The following TBC1D9B variants were observed in gnomAD, a reference collection of about 807,000 sequenced individuals.
The protein encoded by TBC1D9B is TBC1 domain family, member 9B (with GRAM domain).
In TBC1D9B, 87 loss-of-function variants were observed where a neutral mutation model predicts 121.1. The observed-to-expected ratio is 0.72, with a 90% CI of 0.60 to 0.86. TBC1D9B has a LOEUF of 0.86. Ranked by LOEUF, TBC1D9B falls within the 40% of genes least tolerant of loss-of-function variation. The pLI is 0.00. For synonymous variants in TBC1D9B, 668 were observed against 670.1 expected (o/e 1.00, Z 0.05); for missense variants, 1,540 against 1,628.6 (o/e 0.95, Z 0.94).
rs200781687 is a variant in TBC1D9B, at chr5:179,863,723, C to T, written c.3427G>A (p.Val1143Ile). 1 of 1,613,674 alleles carries T rather than the reference C, an allele frequency of 6.2e-7. No homozygotes were observed. The highest frequency in any genetic ancestry group is 2.2e-5 in the East Asian group (1 of 44,892). Residue 1143 changes from valine (V) to isoleucine (I), a missense_variant, in exon 21 of 21, where the codon GTC becomes ATC. Val to Ile is a conservative substitution (Grantham distance 29, BLOSUM62 3). Transcript: ENST00000355235. This position sits in a 1 kb window ranked among gnomAD's most constrained non-coding sequence, Gnocchi z 4.5. ...DDMSMSSYSVVSTGSLQCEDL... is the reference protein window; with the variant it reads ...DDMSMSSYSVISTGSLQCEDL... ...TCACATTGCAGGGAGCCCGTGCTGA[C>T]CACCGAGTAGGAGGACATGGACATG...
At position 179,901,535 on chromosome 5, in the gene TBC1D9B, A is replaced by C. The variant is rs143906446; in HGVS notation, c.230-2228T>G. 4.2e-3 allele frequency among the ~76,000 whole-genome samples: 635 copies of C among 152,334 alleles called. 2 individuals are homozygous for C. Among genetic ancestry groups the C allele is most frequent in the Admixed American group, 6.9e-3 (105 of 15,298 alleles). On this transcript the variant is annotated intron_variant, in intron 2 of 20. Transcript: ENST00000355235. ...CACAGTGGCTCAGTCCTATAATCCC[A>C]GCACTCTGGGAGGCTGAGGCAGGGG...
At chr5:179,867,388 T>C in intron 18 of TBC1D9B, 3 of 1,478,396 alleles carry the variant, frequency 2.0e-6, no homozygotes, top group South Asian at 1.3e-5. Flanking sequence ...GGCTTCCTGA[T>C]AGTGCAGGAA....
rs566766282 is a variant in TBC1D9B, at chr5:179,870,190, T to C, written c.2725+65A>G. 9.3e-5 allele frequency: 148 copies of C among 1,591,996 alleles called. 2 individuals carry two copies. The Middle Eastern group carries it at 1.5e-3, about 16-fold the overall frequency. ...GGGGAACAGACAGGAGATGCTGGCA[T>C]TTGGAGGCTTCCTGGGAAAGGGTGA... On this transcript the variant is annotated intron_variant, in intron 16 of 20. Coordinates refer to ENST00000355235, the MANE Select transcript of TBC1D9B (RefSeq NM_015043.4).
intron 3 of TBC1D9B, among the ~76,000 whole-genome samples, chr5:179,896,062 C>G (rs141130157): frequency 1.5e-4 from 22 of 144,200 alleles, no homozygotes; most frequent in Non-Finnish European, 2.9e-4. Flanking sequence ...CTTACTCCAT[C>G]GGTTTCATCC....
Position 179,865,147 on chromosome 5 carries a change from C to A in TBC1D9B, c.3021+107G>T, listed in dbSNP as rs564043990. ...AACGGGCTCTAGAGGCAGGGAGGAG[C>A]CTTCCCACCCACCAGGAGATGCTGC... On this transcript the variant is annotated intron_variant, in intron 20 of 20. Coordinates refer to ENST00000355235, the MANE Select transcript of TBC1D9B (RefSeq NM_015043.4). This position sits in a 1 kb window ranked among gnomAD's most constrained non-coding sequence, Gnocchi z 5.1. 3 of 1,073,116 alleles carry A rather than the reference C, an allele frequency of 2.8e-6. No homozygotes were observed. The highest frequency in any genetic ancestry group is 2.7e-5 in the South Asian group (2 of 74,744). The allele number at this position is 1,073,116 out of a possible 1,614,324, so 66.5% of individuals were successfully genotyped here.
intron 1 of TBC1D9B, among the ~76,000 whole-genome samples, chr5:179,906,622 G>C (rs371495874): frequency 6.6e-6 from 1 of 152,188 alleles, no homozygotes; most frequent in African/African-American, 2.4e-5. Context: ...CTGGATCTAG[G>C]AGGCGGGTCC....
chr5:179,907,729 G>A lies in TBC1D9B; in HGVS notation c.93C>T (p.Gly31=). 1.7e-6 allele frequency: 2 copies of A among 1,187,168 alleles called. No homozygotes were observed. Among genetic ancestry groups the A allele is most frequent in the Non-Finnish European group, 2.1e-6 (2 of 933,846 alleles). The allele number at this position is 1,187,168 out of a possible 1,614,324, so 73.5% of individuals were successfully genotyped here. A position where few individuals can be genotyped will look rare whatever the true frequency, so the allele number is the denominator to read the frequency against. Residue 31 remains glycine, a synonymous_variant, in exon 1 of 21, where the codon GGC becomes GGT. Transcript: ENST00000355235. The surrounding 1 kb of genome is among the most constrained non-coding windows in gnomAD (Gnocchi z 5.3). ...CCGTAAGGCCGCCGCCCCTGCCGTG[G>A]CCCCGGCGTCGCTGCAGCACGAAGA... ...NPFFVLQRRR[G]HGRGGGLTGL...
chr5:179,906,669 G>T (rs1761325334), intron 1 of TBC1D9B, among the ~76,000 whole-genome samples: 1 of 152,238 alleles, frequency 6.6e-6, no homozygotes, highest in Non-Finnish European at 1.5e-5. Flanking sequence ...CCCACTGGGA[G>T]GGAACCCGAA....
At chr5:179,900,741 G>A (rs182247114) in intron 2 of TBC1D9B, among the ~76,000 whole-genome samples, 10 of 152,276 alleles carry the variant, frequency 6.6e-5, no homozygotes, top group African/African-American at 1.9e-4. Context: ...TATCACTCAC[G>A]CCTGAAAGAA....
intron 20 of TBC1D9B, 132 bp from the exon 21 acceptor site, chr5:179,864,260 C>G (rs1007916346): frequency 1.1e-6 from 1 of 875,476 alleles, no homozygotes; most frequent in African/African-American, 1.7e-5. Context: ...CTCCATGAGC[C>G]TCATCAGTCC....
rs532630723 is a variant in TBC1D9B, at chr5:179,900,985, C to T, written c.230-1678G>A. On this transcript the variant is annotated intron_variant, in intron 2 of 20. Transcript: ENST00000355235. ...GCTGGGCCTGTCACCTGCTCCAGCC[C>T]GTGGCACCCGCTCAAGGCTGTGTCA... Among the ~76,000 whole-genome samples the T allele has an allele frequency of 1.8e-4, 28 of 152,298 alleles. 1 individual carries two copies. The South Asian group carries it at 5.6e-3, about 30-fold the overall frequency.
chr5:179,877,728 C>G (rs1760402036), intron 10 of TBC1D9B, among the ~76,000 whole-genome samples: 2 of 150,830 alleles, frequency 1.3e-5, no homozygotes, highest in South Asian at 2.1e-4. Flanking sequence ...TATGATGGAG[C>G]CTGAGAAAGA....
Position 179,904,505 on chromosome 5 carries a change from G to C in TBC1D9B, c.229+197C>G, listed in dbSNP as rs551557371. Among the ~76,000 whole-genome samples, 28 of 152,266 alleles carry C rather than the reference G, an allele frequency of 1.8e-4. No homozygotes were observed. Among genetic ancestry groups the C allele is most frequent in the African/African-American group, 6.7e-4 (28 of 41,550 alleles). On this transcript the variant is annotated intron_variant, in intron 2 of 20. Coordinates refer to ENST00000355235, the MANE Select transcript of TBC1D9B (RefSeq NM_015043.4). This position sits in a 1 kb window ranked among gnomAD's most constrained non-coding sequence, Gnocchi z 4.2. Reference sequence around the variant, plus strand: ...CTCCCAAAGTGCTGGGATTACAGACGTGAGCCACCGCACCGGGCCACGGAG... The same window carrying C: ...CTCCCAAAGTGCTGGGATTACAGACCTGAGCCACCGCACCGGGCCACGGAG...
In TBC1D9B at chr5:179,888,323, G is replaced by A; in HGVS notation, c.1045-11C>T. The A allele has an allele frequency of 6.2e-7, 1 of 1,612,070 alleles. No homozygotes were observed. The highest frequency in any genetic ancestry group is 2.2e-5 in the East Asian group (1 of 44,868). On this transcript the variant is annotated splice_polypyrimidine_tract_variant and intron_variant, in intron 6 of 20. Coordinates refer to ENST00000355235, the MANE Select transcript of TBC1D9B (RefSeq NM_015043.4). Reference sequence around the variant, plus strand: ...TTCGACAATGGTCACCTGAGAAGGTGAAAGAACTCTTTTGGGTGTCTGCAT... The same window carrying A: ...TTCGACAATGGTCACCTGAGAAGGTAAAAGAACTCTTTTGGGTGTCTGCAT...
At position 179,891,704 on chromosome 5, in the gene TBC1D9B, G is replaced by C; in HGVS notation, c.837-118C>G. On this transcript the variant is annotated intron_variant, in intron 5 of 20. Coordinates refer to ENST00000355235, the MANE Select transcript of TBC1D9B (RefSeq NM_015043.4). The surrounding 1 kb of genome is among the most constrained non-coding windows in gnomAD (Gnocchi z 4.3). ...TCCACATCAGATTCAGGATCCCTGG[G>C]GTGGTCCCTTGAGCAAGTCATGCTC... 8.5e-7 allele frequency: 1 copy of C among 1,174,662 alleles called. No homozygotes were observed. The highest frequency in any genetic ancestry group is 1.4e-5 in the South Asian group (1 of 69,714). 72.8% of individuals were successfully genotyped at this position (1,174,662 alleles called of 1,614,324 possible).
At chr5:179,905,636 T>C (rs1761290712) in intron 1 of TBC1D9B, among the ~76,000 whole-genome samples, 1 of 152,260 alleles carries the variant, frequency 6.6e-6, no homozygotes, top group Non-Finnish European at 1.5e-5. Context: ...GGTAATGCTA[T>C]CTTTGTCAGT....
Position 179,865,728 on chromosome 5 carries a change from GC to G in TBC1D9B, c.2914+109del. The G allele has an allele frequency of 8.0e-7, 1 of 1,245,320 alleles. No individual in the cohort carries two copies. The highest frequency in any genetic ancestry group is 1.1e-6 in the Non-Finnish European group (1 of 887,344). 77.1% of individuals were successfully genotyped at this position (1,245,320 alleles called of 1,614,324 possible). Reference sequence around the variant, plus strand: ...TGCTCCCTGATCGGGGGACGCATCCGCCATCTCCCGGGGTAGGGGGCTCCCT... The same window carrying G: ...TGCTCCCTGATCGGGGGACGCATCCGCATCTCCCGGGGTAGGGGGCTCCCT... On this transcript the variant is annotated intron_variant, in intron 19 of 20. Coordinates refer to ENST00000355235, the MANE Select transcript of TBC1D9B (RefSeq NM_015043.4). This position sits in a 1 kb window ranked among gnomAD's most constrained non-coding sequence, Gnocchi z 5.1.
Position 179,907,081 on chromosome 5 carries a change from A to C in TBC1D9B, c.118+623T>G, listed in dbSNP as rs567933268. ...GTGGCACCCGGGCCCACAAAGGGCCACCTTGGCGAGCTTGCAGGAACACCC... is the reference window on the plus strand; with the variant it reads ...GTGGCACCCGGGCCCACAAAGGGCCCCCTTGGCGAGCTTGCAGGAACACCC... On this transcript the variant is annotated intron_variant, in intron 1 of 20. Coordinates refer to ENST00000355235, the MANE Select transcript of TBC1D9B (RefSeq NM_015043.4). The surrounding 1 kb of genome is among the most constrained non-coding windows in gnomAD (Gnocchi z 5.3). Among the ~76,000 whole-genome samples, 10 of 152,270 alleles carry C rather than the reference A, an allele frequency of 6.6e-5. No individual in the cohort carries two copies. Among genetic ancestry groups the C allele is most frequent in the African/African-American group, 2.4e-4 (10 of 41,552 alleles).
chr5:179,890,219 C>T lies in TBC1D9B; in HGVS notation c.1044+1160G>A, dbSNP rs542631614. Among the ~76,000 whole-genome samples the T allele has an allele frequency of 5.9e-5, 9 of 152,184 alleles. No homozygotes were observed. The highest frequency in any genetic ancestry group is 1.2e-4 in the Non-Finnish European group (8 of 68,022). On this transcript the variant is annotated intron_variant, in intron 6 of 20. Transcript: ENST00000355235. This position sits in a 1 kb window ranked among gnomAD's most constrained non-coding sequence, Gnocchi z 5.0. ...AGGAGCAGGTGTGTTGAGGGGTCAG[C>T]GCTGGCTGGGCAGGCGGCCCCCACC... is the stretch of plus-strand genomic sequence containing the variant.
Sources: allele counts gnomAD v4.1 joint callset (sites outside exome capture counted in the v4.1 genomes callset), GRCh38; gene constraint gnomAD v4.1.1; non-coding constraint Gnocchi (gnomAD v3.1); transcripts MANE v1.5; gene names NCBI Gene and HGNC (gene_info 2026-07-23, HGNC 2026-07-21).